The following LRRC49 variants were observed in gnomAD, a reference collection of about 807,000 sequenced individuals.
The protein encoded by LRRC49 is leucine-rich repeat-containing protein 49.
A neutral mutation model predicts 83.3 loss-of-function variants in LRRC49; 50 were observed. The ratio of observed to expected loss-of-function variants is 0.60; its 90% CI spans 0.48 to 0.76. The LOEUF is 0.76. Ranked by LOEUF, LRRC49 falls within the 30% of genes least tolerant of loss-of-function variation. The probability of loss-of-function intolerance (pLI) is 0.00; values close to 1 mark genes in which losing one functional copy is unlikely to be tolerated. For synonymous variants in LRRC49, 286 were observed against 283.3 expected, an observed-to-expected ratio of 1.01 and a Z score of -0.10; for missense variants, 704 against 809.1, an observed-to-expected ratio of 0.87 and a Z score of 1.58.
chr15:70,919,007 G>A (rs1270932367), intron 6 of LRRC49, 43 bp from the exon 7 acceptor site: 1 of 1,535,058 alleles, frequency 6.5e-7, no homozygotes. Context: ...GTATATTTCA[G>A]GTTTTTGCCT....
At chr15:70,943,471 G>T (rs2035894907) in intron 8 of LRRC49, among the ~76,000 whole-genome samples, 1 of 152,182 alleles carries the variant, frequency 6.6e-6, no homozygotes, top group African/African-American at 2.4e-5. Flanking sequence ...TTTGGCCTTT[G>T]ATTTAGAGTT....
intron 15 of LRRC49, among the ~76,000 whole-genome samples, chr15:71,046,981 T>G (rs35819582): frequency 0.1 from 15,830 of 152,220 alleles, 1,030 homozygotes; most frequent in East Asian, 0.29. Flanking sequence ...TCAGCCCTGT[T>G]GAAGATCAGA....
chr15:70,856,416 A>T (rs2032654774), intron 1 of LRRC49, among the ~76,000 whole-genome samples: 1 of 152,162 alleles, frequency 6.6e-6, no homozygotes, highest in South Asian at 2.1e-4. Context: ...AGTCTGGCAG[A>T]GTACCCAAGA....
intron 1 of LRRC49, among the ~76,000 whole-genome samples, chr15:70,858,191 C>G (rs1371858652): frequency 6.6e-6 from 1 of 152,218 alleles, no homozygotes; most frequent in Non-Finnish European, 1.5e-5. Context: ...ATCTGGTCTG[C>G]AGAAGTGTTT....
At chr15:70,896,236 G>A (rs142765110) in intron 3 of LRRC49, among the ~76,000 whole-genome samples, 1 of 152,216 alleles carries the variant, frequency 6.6e-6, no homozygotes, top group East Asian at 1.9e-4. Context: ...GCTAATTAGA[G>A]TAAGAGTATG....
intron 15 of LRRC49, among the ~76,000 whole-genome samples, chr15:71,046,366 TG>T (rs2039855525): frequency 6.6e-6 from 1 of 152,224 alleles, no homozygotes; most frequent in Admixed American, 6.5e-5. Flanking sequence ...CAGCATCTGT[TG>T]TTTTTTCACT....
intron 11 of LRRC49, among the ~76,000 whole-genome samples, chr15:70,996,647 C>G (rs1436613497): frequency 6.6e-6 from 1 of 152,170 alleles, no homozygotes; most frequent in Non-Finnish European, 1.5e-5. Context: ...CCTCCCAAAA[C>G]TATATATCTA....
chr15:71,038,021 C>T (rs1043363177), intron 15 of LRRC49, among the ~76,000 whole-genome samples: 6 of 152,012 alleles, frequency 3.9e-5, no homozygotes, highest in African/African-American at 1.4e-4. Flanking sequence ...AACAATACAA[C>T]GTTGTGACCC....
chr15:70,998,702 A>G (rs2038157299), intron 11 of LRRC49, among the ~76,000 whole-genome samples: 1 of 151,548 alleles, frequency 6.6e-6, no homozygotes, highest in African/African-American at 2.4e-5. Context: ...AGCCTCTTGG[A>G]TATGTTGTTT....
At chr15:70,987,493 A>T (rs1332256333) in intron 11 of LRRC49, among the ~76,000 whole-genome samples, 2 of 151,990 alleles carry the variant, frequency 1.3e-5, no homozygotes, top group Non-Finnish European at 2.9e-5. Context: ...CCCCTTTATC[A>T]TTTTTTATTG....
At position 70,982,527 on chromosome 15, in the gene LRRC49, C is replaced by A. The variant is rs998404762; in HGVS notation, c.1006-1567C>A. On this transcript the variant is annotated intron_variant, in intron 10 of 15. Coordinates refer to ENST00000260382, the MANE Select transcript of LRRC49 (RefSeq NM_017691.5). ...ACATACATAGAATGTCAGAAAGTCTCCAAAGTATATACATATTAAATATAA... is the reference window on the plus strand; with the variant it reads ...ACATACATAGAATGTCAGAAAGTCTACAAAGTATATACATATTAAATATAA... 2.0e-5 allele frequency among the ~76,000 whole-genome samples: 3 copies of A among 152,116 alleles called. No individual in the cohort carries two copies. In the East Asian group the frequency reaches 5.8e-4, roughly 29 times the overall value.
chr15:70,975,131 G>C (rs907143722), intron 9 of LRRC49, among the ~76,000 whole-genome samples: 11 of 152,266 alleles, frequency 7.2e-5, no homozygotes, highest in Non-Finnish European at 1.6e-4. Flanking sequence ...ACAGTGGTCA[G>C]ATTACACCTG....
chr15:71,041,670 C>A (rs1292548054), intron 15 of LRRC49, among the ~76,000 whole-genome samples: 1 of 152,100 alleles, frequency 6.6e-6, no homozygotes, highest in Non-Finnish European at 1.5e-5. Flanking sequence ...TTCAAGCAAA[C>A]TTTGTCAATT....
intron 2 of LRRC49, among the ~76,000 whole-genome samples, chr15:70,880,509 A>C (rs2033241881): frequency 6.6e-6 from 1 of 152,240 alleles, no homozygotes. Context: ...CCCCCCACTA[A>C]ACTGGTCTAG....
chr15:71,010,320 T>C (rs1343159731), intron 13 of LRRC49, among the ~76,000 whole-genome samples: 1 of 151,968 alleles, frequency 6.6e-6, no homozygotes, highest in Admixed American at 6.6e-5. Flanking sequence ...TAATGTGATC[T>C]TTGTATTTCT....
At chr15:71,003,946 A>G (rs566056766) in intron 11 of LRRC49, among the ~76,000 whole-genome samples, 2 of 152,168 alleles carry the variant, frequency 1.3e-5, no homozygotes, top group East Asian at 1.9e-4. Flanking sequence ...TCTCCCTACT[A>G]TGTCCTCCAC....
chr15:70,941,952 A>T (rs1347425478), intron 8 of LRRC49, among the ~76,000 whole-genome samples: 1 of 152,088 alleles, frequency 6.6e-6, no homozygotes, highest in Non-Finnish European at 1.5e-5. Context: ...TTATAAATAT[A>T]TATATGATTG....
chr15:71,032,673 T>C (rs1000085281), intron 14 of LRRC49, among the ~76,000 whole-genome samples: 1 of 152,126 alleles, frequency 6.6e-6, no homozygotes, highest in African/African-American at 2.4e-5. Flanking sequence ...ACCATCACTT[T>C]GGCCTCATCC....
upstream of LRRC49, chr15:70,891,840 T>C (rs760615131): frequency 2.5e-5 from 39 of 1,579,602 alleles, no homozygotes; most frequent in Non-Finnish European, 8.6e-6. Context: ...TGGTCTCTCT[T>C]TACCTGTGAA....
Sources: gnomAD v4.1 joint callset for allele counts (sites outside exome capture counted in the v4.1 genomes callset) on GRCh38, gnomAD v4.1.1 for gene constraint, MANE v1.5 for transcripts, NCBI Gene and HGNC (gene_info 2026-07-23, HGNC 2026-07-21) for gene names.